CEACAM8: variants seen among roughly 807,000 people sequenced by gnomAD.
CEACAM8 encodes cell adhesion molecule CEACAM8.
A neutral mutation model predicts 33.4 loss-of-function variants in CEACAM8; 31 were observed. The ratio of observed to expected loss-of-function variants is 0.93; its 90% CI spans 0.70 to 1.25. The LOEUF is 1.25. CEACAM8 is among the 50% of genes most tolerant of loss of function. The pLI, the probability that CEACAM8 is intolerant of heterozygous loss-of-function variation, is 0.00. For synonymous variants in CEACAM8, 138 were observed against 164.5 expected, an observed-to-expected ratio of 0.84 and a Z score of 1.23; for missense variants, 388 against 434.6, an observed-to-expected ratio of 0.89 and a Z score of 0.95.
At chr19:42,594,644 C>A in intron 1 of CEACAM8, 121 bp downstream of exon 1, 1 of 741,426 alleles carries the variant, frequency 1.3e-6, no homozygotes, top group Non-Finnish European at 2.4e-6. Flanking sequence ...TGTGTCCTCT[C>A]CTCTATTAAG....
Position 42,583,319 on chromosome 19 carries a change from C to T in CEACAM8, c.977G>A (p.Ser326Asn). 1.2e-6 allele frequency: 2 copies of T among 1,611,736 alleles called. No homozygotes were observed. ...GGCTCTAGCTGAGAGGCCAGGAGAA[C>T]TTCCTTGTACTAAAGCATCTGTCAT... ...ITVSDALVQG[S>N]SPGLSARATV... The change falls in exon 5 of 6, where the codon AGT becomes AAT. Residue 326 changes from serine (S) to asparagine (N), a missense_variant. Ser to Asn is a conservative substitution (Grantham distance 46). Transcript: ENST00000244336.
Position 42,589,053 on chromosome 19 carries a change from T to A in CEACAM8, c.704-15A>T, listed in dbSNP as rs776754711. 3 of 1,606,630 alleles carry A rather than the reference T, an allele frequency of 1.9e-6. No homozygotes were observed. The Admixed American group carries it at 5.0e-5, about 27-fold the overall frequency. ...ATCTGGGCCATCTAGAGCAAAAGAA[T>A]AAAGTCACAGGTGATGTCATCAGAG... On this transcript the variant is annotated splice_polypyrimidine_tract_variant and intron_variant, in intron 3 of 5. Coordinates refer to ENST00000244336, the MANE Select transcript of CEACAM8 (RefSeq NM_001816.4).
intron 4 of CEACAM8, among the ~76,000 whole-genome samples, chr19:42,586,047 A>T (rs1055403198): frequency 2.6e-5 from 4 of 152,206 alleles, no homozygotes; most frequent in African/African-American, 9.6e-5. Flanking sequence ...AGGTGAAAGG[A>T]TTGTATTCTG....
At chr19:42,590,545 G>C (rs1485907606) in intron 2 of CEACAM8, among the ~76,000 whole-genome samples, 1 of 152,210 alleles carries the variant, frequency 6.6e-6, no homozygotes, top group Non-Finnish European at 1.5e-5. Context: ...CGGGTGGGGA[G>C]GGGGAGCCTG....
chr19:42,589,419 CTGG>C, intron 3 of CEACAM8, 35 bp downstream of exon 3: 3 of 1,613,316 alleles, frequency 1.9e-6, no homozygotes, highest in Non-Finnish European at 2.5e-6. Flanking sequence ...TGGATTTGGG[CTGG>C]TGGCCTGGGC....
At chr19:42,582,180 A>G (rs985467358) in intron 5 of CEACAM8, among the ~76,000 whole-genome samples, 3 of 151,894 alleles carry the variant, frequency 2.0e-5, no homozygotes, top group Admixed American at 2.0e-4. Flanking sequence ...GGAAGGCTTA[A>G]AAATTACCAA....
intron 3 of CEACAM8, among the ~76,000 whole-genome samples, 155 bp from the exon 4 acceptor site, chr19:42,589,193 A>G (rs1409268871): frequency 6.6e-6 from 1 of 152,240 alleles, no homozygotes; most frequent in African/African-American, 2.4e-5. Context: ...CTACTGAGAC[A>G]GAGTCCGAGA....
chr19:42,586,101 A>T (rs6509019), intron 4 of CEACAM8, among the ~76,000 whole-genome samples: 13,409 of 152,218 alleles, frequency 0.088, 1,982 homozygotes, highest in African/African-American at 0.3. Context: ...ACGACCTCAA[A>T]AAATGGGAAG....
chr19:42,582,928 A>C (rs769506691), intron 5 of CEACAM8, among the ~76,000 whole-genome samples: 1 of 152,212 alleles, frequency 6.6e-6, no homozygotes, highest in Non-Finnish European at 1.5e-5. Context: ...GGAATGGATA[A>C]AATGACACAA....
chr19:42,590,939 T>C (rs2042427096), intron 2 of CEACAM8, among the ~76,000 whole-genome samples: 1 of 152,260 alleles, frequency 6.6e-6, no homozygotes, highest in Non-Finnish European at 1.5e-5. Context: ...CTAACTTTTA[T>C]AAATTTTTGA....
rs368052461 is a variant in CEACAM8 at position 42,586,470 on chromosome 19, A to G, written c.958+2314T>C. On this transcript the variant is annotated intron_variant, in intron 4 of 5. Transcript: ENST00000244336. Reference sequence around the variant, plus strand: ...CAAATGATATTTGATAAGGATGCCAATACCACTCAATGGGGAAAGTGCAGT... The same window carrying G: ...CAAATGATATTTGATAAGGATGCCAGTACCACTCAATGGGGAAAGTGCAGT... 1.1e-4 allele frequency among the ~76,000 whole-genome samples: 17 copies of G among 152,370 alleles called. No individual in the cohort carries two copies. In the South Asian group the frequency reaches 3.1e-3, roughly 28 times the overall value.
chr19:42,594,620 C>T, intron 1 of CEACAM8, 145 bp downstream of exon 1: 1 of 612,994 alleles, frequency 1.6e-6, no homozygotes, highest in Non-Finnish European at 2.9e-6. Flanking sequence ...CTGTTGTGAC[C>T]CCTTCCCCTC....
At chr19:42,587,437 T>C (rs1376080545) in intron 4 of CEACAM8, among the ~76,000 whole-genome samples, 2 of 152,344 alleles carry the variant, frequency 1.3e-5, no homozygotes, top group African/African-American at 4.8e-5. Context: ...TTCTGATACA[T>C]GGTGCAAAAT....
In CEACAM8 at chr19:42,594,791, A is replaced by ATGCGCCATCTGCAGGAAGGGGC. The variant is rs1168037159; in HGVS notation, c.16_37dup (p.Ile13SerfsTer34). ...TGTGAGCAGGAGCCCCTGCCAGGGG[A>ATGCGCCATCTGCAGGAAGGGGC]TGCGCCATCTGCAGGAAGGGGCTGA... On this transcript the variant is annotated frameshift_variant, in exon 1 of 6. Coordinates refer to ENST00000244336, the MANE Select transcript of CEACAM8 (RefSeq NM_001816.4). LOFTEE classifies it high-confidence loss of function. The ATGCGCCATCTGCAGGAAGGGGC allele has an allele frequency of 2.5e-6, 4 of 1,610,996 alleles. No homozygotes were observed. In the African/African-American group the frequency reaches 5.3e-5, roughly 22 times the overall value.
Position 42,581,920 on chromosome 19 carries a change from AATATAT to A in CEACAM8, c.*41-573_*41-568del, listed in dbSNP as rs57314008. On this transcript the variant is annotated intron_variant, in intron 5 of 5. Transcript: ENST00000244336. ...AAAAAAAAAAAAAAAAAAAAAAAAA[AATATAT>A]ATATATATATATATATATATAAAAT... Among the ~76,000 whole-genome samples the A allele has an allele frequency of 2.0e-3, 51 of 25,314 alleles. 3 individuals are homozygous for A. Among genetic ancestry groups the A allele is most frequent in the African/African-American group, 7.9e-3 (48 of 6,088 alleles). The allele number at this position is 25,314 out of a possible 152,430, so 16.6% of individuals were successfully genotyped here. A position where few individuals can be genotyped will look rare whatever the true frequency, so the allele number is the denominator to read the frequency against.
At chr19:42,590,697 G>C (rs962465029) in intron 2 of CEACAM8, among the ~76,000 whole-genome samples, 13 of 152,276 alleles carry the variant, frequency 8.5e-5, no homozygotes, top group South Asian at 2.1e-4. Flanking sequence ...GATACTGTAG[G>C]ATTCCACTTA....
In CEACAM8 at chr19:42,594,860, G is replaced by C. The variant is rs1277918920; in HGVS notation, c.-32C>G. 6.3e-7 allele frequency: 1 copy of C among 1,596,886 alleles called. No individual in the cohort carries two copies. The highest frequency in any genetic ancestry group is 8.5e-7 in the Non-Finnish European group (1 of 1,170,524). The stretch of plus-strand genomic sequence containing the variant: ...TGCTGCCTGCGTGTTCTCCTCTGTG[G>C]AGATGAGCCTGGGATCCAGAAACTT... On this transcript the variant is annotated 5_prime_UTR_variant, in exon 1 of 6. Coordinates refer to ENST00000244336, the MANE Select transcript of CEACAM8 (RefSeq NM_001816.4).
intron 3 of CEACAM8, 83 bp downstream of exon 3, chr19:42,589,374 C>T: frequency 6.3e-7 from 1 of 1,595,784 alleles, no homozygotes; most frequent in Non-Finnish European, 8.6e-7. Flanking sequence ...ATTTTTGGAG[C>T]TGAGAGGGAC....
rs1005658371 is a variant in CEACAM8, at chr19:42,593,561, G to A, written c.404C>T (p.Thr135Ile). The A allele has an allele frequency of 1.3e-6, 2 of 1,577,056 alleles. No homozygotes were observed. The highest frequency in any genetic ancestry group is 1.7e-6 in the Non-Finnish European group (2 of 1,159,612). ...CTCACGATGTACGCTGAACTGGCCA[G>A]TTACTTCTTCACTCATAAGATTTAG... Reference protein sequence around the residue: ...IKLNLMSEEVTGQFSVHPETP... With the variant: ...IKLNLMSEEVIGQFSVHPETP... Residue 135 changes from threonine (T) to isoleucine (I), a missense_variant, in exon 2 of 6, where the codon ACT becomes ATT. Transcript: ENST00000244336.
Sources: gnomAD v4.1 joint callset for allele counts (sites outside exome capture counted in the v4.1 genomes callset) on GRCh38, gnomAD v4.1.1 for gene constraint, MANE v1.5 for transcripts, NCBI Gene and HGNC (gene_info 2026-07-23, HGNC 2026-07-21) for gene names.